The following TBX18 variants were observed in gnomAD, a reference collection of about 807,000 sequenced individuals.
The protein encoded by TBX18 is T-box transcription factor TBX18.
In TBX18, 21 loss-of-function variants were observed where a neutral mutation model predicts 55.0. The ratio of observed to expected loss-of-function variants is 0.38; its 90% CI spans 0.27 to 0.55. TBX18 has a LOEUF of 0.55. Among genes scored for constraint, TBX18 ranks in the 20% least tolerant of loss-of-function variants. The pLI is 0.73. For synonymous variants in TBX18, 342 were observed against 326.1 expected (o/e 1.05, Z -0.53); for missense variants, 840 against 799.6 (o/e 1.05, Z -0.61).
chr6:84,747,494 T>C (rs1055486474), intron 5 of TBX18, among the ~76,000 whole-genome samples: 8 of 152,214 alleles, frequency 5.3e-5, no homozygotes, highest in African/African-American at 1.9e-4. Context: ...AGCCCTTTTG[T>C]ATATGTACCA....
intron 7 of TBX18, 131 bp downstream of exon 7, chr6:84,738,366 T>C (rs372729909): frequency 1.0e-5 from 8 of 781,234 alleles, no homozygotes; most frequent in Non-Finnish European, 1.3e-5. Context: ...AGAAGACAGA[T>C]GGAATCTGTA....
At chr6:84,749,908 T>C (rs1286795971) in intron 4 of TBX18, among the ~76,000 whole-genome samples, 1 of 152,242 alleles carries the variant, frequency 6.6e-6, no homozygotes, top group African/African-American at 2.4e-5. Context: ...CAGCACACTC[T>C]AAACAGATTT....
intron 3 of TBX18, among the ~76,000 whole-genome samples, chr6:84,757,954 T>A (rs2127880216): frequency 6.6e-6 from 1 of 152,324 alleles, no homozygotes; most frequent in South Asian, 2.1e-4. Flanking sequence ...ACACATTTCT[T>A]TTTATAAGAG....
At chr6:84,751,964 A>G (rs1376520788) in intron 4 of TBX18, among the ~76,000 whole-genome samples, 2 of 152,250 alleles carry the variant, frequency 1.3e-5, no homozygotes, top group African/African-American at 4.8e-5. Flanking sequence ...CTGGTCGTAT[A>G]AACAAGAAGA....
At chr6:84,762,785 G>A (rs374877196) in intron 1 of TBX18, 37 bp from the exon 2 acceptor site, 1 of 1,557,820 alleles carries the variant, frequency 6.4e-7, no homozygotes, top group Non-Finnish European at 8.7e-7. Flanking sequence ...AACTGGTGAG[G>A]GAAACAGAGG....
chr6:84,757,221 A>G (rs1172789989), intron 3 of TBX18, among the ~76,000 whole-genome samples: 1 of 152,210 alleles, frequency 6.6e-6, no homozygotes, highest in African/African-American at 2.4e-5. Flanking sequence ...GAAAAAACAA[A>G]TAGCTTGTCA....
intron 2 of TBX18, among the ~76,000 whole-genome samples, chr6:84,760,953 A>G (rs1767631154): frequency 6.6e-6 from 1 of 152,150 alleles, no homozygotes; most frequent in African/African-American, 2.4e-5. Flanking sequence ...AACACAACGT[A>G]TATTTACCAA....
rs1766945071 is a variant in TBX18 at position 84,738,467 on chromosome 6, A to G, written c.1099+30T>C. ...GAGTTTCTAGGCAGGAACGGGCTGT[A>G]TATATGACCCAGGAGACTTTGTGAG... is the stretch of plus-strand genomic sequence containing the variant. On this transcript the variant is annotated intron_variant, in intron 7 of 7. Transcript: ENST00000369663. The G allele has an allele frequency of 1.3e-5, 20 of 1,566,942 alleles. No individual in the cohort carries two copies. In the East Asian group the frequency reaches 4.0e-4, roughly 32 times the overall value.
chr6:84,736,627 AAAAAG>A lies in TBX18; in HGVS notation c.*53_*57del, dbSNP rs1562254648. On this transcript the variant is annotated 3_prime_UTR_variant, in exon 8 of 8. Transcript: ENST00000369663. ...AGAGTTTCTTTCCACATAGCTTTTAAAAAAGAAAAAGAAAATATGTTAGACAGATC... is the reference window on the plus strand; with the variant it reads ...AGAGTTTCTTTCCACATAGCTTTTAAAAAAAGAAAATATGTTAGACAGATC... The A allele has an allele frequency of 6.8e-7, 1 of 1,461,870 alleles. No homozygotes were observed. The highest frequency in any genetic ancestry group is 9.0e-7 in the Non-Finnish European group (1 of 1,106,266). The allele number at this position is 1,461,870 out of a possible 1,614,324, so 90.6% of individuals were successfully genotyped here.
chr6:84,736,663 G>T lies in TBX18; in HGVS notation c.*22C>A. 6.7e-7 allele frequency: 1 copy of T among 1,503,276 alleles called. No homozygotes were observed. The highest frequency in any genetic ancestry group is 1.4e-5 in the African/African-American group (1 of 71,316). The allele number at this position is 1,503,276 out of a possible 1,614,324, so 93.1% of individuals were successfully genotyped here. ...GAAAATATGTTAGACAGATCCAAAT[G>T]TCATTTAACTTAAAGGCTTCATCAG... is the stretch of plus-strand genomic sequence containing the variant. On this transcript the variant is annotated 3_prime_UTR_variant, in exon 8 of 8. Coordinates refer to ENST00000369663, the MANE Select transcript of TBX18 (RefSeq NM_001080508.3).
intron 4 of TBX18, among the ~76,000 whole-genome samples, chr6:84,753,930 T>C (rs1231800241): frequency 2.0e-5 from 3 of 152,110 alleles, no homozygotes; most frequent in African/African-American, 7.2e-5. Flanking sequence ...GGCTTTTATC[T>C]TATTTTTTAT....
In TBX18 at chr6:84,764,303, T is replaced by C; in HGVS notation, c.-122A>G. The C allele has an allele frequency of 7.9e-7, 1 of 1,259,024 alleles. No homozygotes were observed. Among genetic ancestry groups the C allele is most frequent in the Non-Finnish European group, 1.0e-6 (1 of 976,526 alleles). 78.0% of individuals were successfully genotyped at this position (1,259,024 alleles called of 1,614,324 possible). On this transcript the variant is annotated 5_prime_UTR_variant, in exon 1 of 8. Coordinates refer to ENST00000369663, the MANE Select transcript of TBX18 (RefSeq NM_001080508.3). The stretch of plus-strand genomic sequence containing the variant: ...CGGGGCCTCCCGAGATCTGCCCCCT[T>C]CCCCACCGCGGGCAAAAAACAGATT...
chr6:84,737,152 T>C lies in TBX18; in HGVS notation c.1357A>G (p.Arg453Gly), dbSNP rs763238032. 2 of 1,614,082 alleles carry C rather than the reference T, an allele frequency of 1.2e-6. No individual in the cohort carries two copies. Among genetic ancestry groups the C allele is most frequent in the South Asian group, 2.2e-5 (2 of 91,080 alleles). The change falls in exon 8 of 8, where the codon AGG becomes GGG. Residue 453 changes from arginine (R) to glycine (G), a missense_variant. By Grantham distance (125) the Arg-to-Gly change is moderately radical (BLOSUM62 -2). Coordinates refer to ENST00000369663, the MANE Select transcript of TBX18 (RefSeq NM_001080508.3). ...CTCACGCCCACATAGGAGGGAGTCC[T>C]GGGCGGGGCAAAGGTCTCACCAGCC... ...NQAGETFAPP[R>G]TPSYVGVSSS...
chr6:84,745,979 T>C (rs1767173093), intron 5 of TBX18, among the ~76,000 whole-genome samples: 1 of 152,194 alleles, frequency 6.6e-6, no homozygotes, highest in Non-Finnish European at 1.5e-5. Flanking sequence ...GCTCATGCTA[T>C]TAACCACTAA....
chr6:84,743,149 C>A (rs188584365), intron 6 of TBX18, among the ~76,000 whole-genome samples: 3 of 152,332 alleles, frequency 2.0e-5, no homozygotes, highest in Non-Finnish European at 4.4e-5. Flanking sequence ...TGCTATTAGT[C>A]TTCCTGATCT....
At chr6:84,743,650 A>G (rs898358532) in intron 6 of TBX18, among the ~76,000 whole-genome samples, 7 of 152,168 alleles carry the variant, frequency 4.6e-5, no homozygotes, top group African/African-American at 1.7e-4. Flanking sequence ...CCTTTGCCAC[A>G]TAGACTAGGT....
At chr6:84,749,500 T>A (rs917621994) in intron 4 of TBX18, among the ~76,000 whole-genome samples, 4 of 139,570 alleles carry the variant, frequency 2.9e-5, no homozygotes, top group Admixed American at 2.2e-4. Context: ...TTTTTTTTTT[T>A]AACCCTGCAG....
intron 7 of TBX18, 134 bp from the exon 8 acceptor site, chr6:84,737,543 C>T: frequency 1.0e-6 from 1 of 983,834 alleles, no homozygotes; most frequent in Non-Finnish European, 1.4e-6. Flanking sequence ...AGGAGATGGT[C>T]TCAGCTTTCA....
intron 4 of TBX18, 69 bp downstream of exon 4, chr6:84,756,628 TC>T (rs1368411962): frequency 7.1e-7 from 1 of 1,413,786 alleles, no homozygotes; most frequent in Non-Finnish European, 9.8e-7. Context: ...AGCATTCATT[TC>T]CTTTAGTCAG....
Sources: allele counts gnomAD v4.1 joint callset (sites outside exome capture counted in the v4.1 genomes callset), GRCh38; gene constraint gnomAD v4.1.1; transcripts MANE v1.5; gene names NCBI Gene and HGNC (gene_info 2026-07-23, HGNC 2026-07-21).